The following MINDY3 variants were observed in gnomAD, a reference collection of about 807,000 sequenced individuals.
MINDY3 encodes ubiquitin carboxyl-terminal hydrolase MINDY-3.
In MINDY3, 38 loss-of-function variants were observed where a neutral mutation model predicts 69.2. That is an observed-to-expected ratio of 0.55 (90% CI 0.42 to 0.72). The LOEUF (loss-of-function observed/expected upper bound fraction) is 0.72. Among genes scored for constraint, MINDY3 ranks in the 30% least tolerant of loss-of-function variants. The pLI, the probability that MINDY3 is intolerant of heterozygous loss-of-function variation, is 0.00. For missense variants in MINDY3, 522 were observed against 519.0 expected (o/e 1.01, Z -0.06); for synonymous variants, 192 against 180.1 (o/e 1.07, Z -0.53).
chr10:15,784,290 TACC>T (rs1378516865), intron 13 of MINDY3, among the ~76,000 whole-genome samples: 1 of 152,188 alleles, frequency 6.6e-6, no homozygotes, highest in Non-Finnish European at 1.5e-5. Flanking sequence ...TTATAAATAT[TACC>T]ACTTTTTTCT....
At chr10:15,804,145 A>AT (rs879658920) in intron 10 of MINDY3, among the ~76,000 whole-genome samples, 2 of 152,002 alleles carry the variant, frequency 1.3e-5, no homozygotes, top group African/African-American at 2.4e-5. Context: ...TATTCAACCA[A>AT]TTTACTGGTC....
At chr10:15,821,436 C>CA (rs530877527) in intron 9 of MINDY3, among the ~76,000 whole-genome samples, 168 of 152,194 alleles carry the variant, frequency 1.1e-3, no homozygotes, top group African/African-American at 4.0e-3. Flanking sequence ...CCTCCTCCGA[C>CA]AAAAATAACA....
At chr10:15,845,492 T>C (rs748096701) in intron 2 of MINDY3, among the ~76,000 whole-genome samples, 6 of 152,128 alleles carry the variant, frequency 3.9e-5, no homozygotes, top group Admixed American at 1.3e-4. Context: ...TTACAAAGTT[T>C]ACGTGACTCT....
chr10:15,833,677 T>C lies in MINDY3; in HGVS notation c.683A>G (p.His228Arg), dbSNP rs767177975. The C allele has an allele frequency of 1.2e-6, 2 of 1,611,296 alleles. No homozygotes were observed. The highest frequency in any genetic ancestry group is 1.7e-6 in the Non-Finnish European group (2 of 1,177,706). The stretch of plus-strand genomic sequence containing the variant: ...ACCATCCCATACATTAGAAACAGCA[T>C]GTCCCGTCAGCAGGAGATTAATTAA... ...QSLINLLLTG[H>R]AVSNVWDGDR... Residue 228 changes from histidine (H) to arginine (R), a missense_variant, in exon 8 of 15, where the codon CAT becomes CGT. Transcript: ENST00000277632.
intron 9 of MINDY3, among the ~76,000 whole-genome samples, chr10:15,818,711 T>C (rs1373161304): frequency 6.6e-6 from 1 of 152,062 alleles, no homozygotes; most frequent in Admixed American, 6.6e-5. Flanking sequence ...GAAAACACCA[T>C]GCTAAGTGAA....
At chr10:15,811,106 C>T (rs146893724) in intron 10 of MINDY3, among the ~76,000 whole-genome samples, 180 of 151,888 alleles carry the variant, frequency 1.2e-3, no homozygotes, top group African/African-American at 4.1e-3. Flanking sequence ...CAAATGAACA[C>T]GGGCCACAAG....
chr10:15,797,829 C>G (rs75342153), intron 10 of MINDY3, among the ~76,000 whole-genome samples: 1 of 152,114 alleles, frequency 6.6e-6, no homozygotes, highest in African/African-American at 2.4e-5. Context: ...CCTCAGTTCC[C>G]TTTATCACTC....
At chr10:15,812,633 C>T (rs1839084912) in intron 10 of MINDY3, among the ~76,000 whole-genome samples, 1 of 152,168 alleles carries the variant, frequency 6.6e-6, no homozygotes, top group South Asian at 2.1e-4. Flanking sequence ...CCCATCACTG[C>T]TCTTTGGAGG....
intron 14 of MINDY3, among the ~76,000 whole-genome samples, chr10:15,780,332 T>C (rs530974182): frequency 6.6e-6 from 1 of 152,358 alleles, no homozygotes; most frequent in African/African-American, 2.4e-5. Context: ...TTTTAGTTAA[T>C]ATATTAGTTT....
At chr10:15,851,186 C>T (rs1834262370) in intron 1 of MINDY3, among the ~76,000 whole-genome samples, 1 of 152,156 alleles carries the variant, frequency 6.6e-6, no homozygotes, top group South Asian at 2.1e-4. Context: ...CTTTTAAGTG[C>T]TAATGTTCCC....
chr10:15,780,081 C>T (rs567697095), intron 14 of MINDY3, among the ~76,000 whole-genome samples: 1 of 152,146 alleles, frequency 6.6e-6, no homozygotes, highest in Non-Finnish European at 1.5e-5. Flanking sequence ...ATTATTTTTA[C>T]ACATTCACTG....
At chr10:15,821,757 G>A (rs763874114) in intron 8 of MINDY3, 31 bp from the exon 9 acceptor site, 29 of 1,578,476 alleles carry the variant, frequency 1.8e-5, no homozygotes, top group Middle Eastern at 1.7e-4. Context: ...AACAAAAAAC[G>A]AAAACTTAGC....
intron 13 of MINDY3, 62 bp downstream of exon 13, chr10:15,786,499 A>G: frequency 9.8e-7 from 1 of 1,023,550 alleles, no homozygotes; most frequent in Non-Finnish European, 1.5e-6. Context: ...AAAATGCTGC[A>G]AACAATCACA....
intron 2 of MINDY3, among the ~76,000 whole-genome samples, chr10:15,844,136 G>A (rs1013975875): frequency 6.6e-6 from 1 of 152,106 alleles, no homozygotes; most frequent in African/African-American, 2.4e-5. Flanking sequence ...TTGCAGCGAA[G>A]ATTATATGAG....
chr10:15,781,590 T>G (rs1157051444), intron 14 of MINDY3, among the ~76,000 whole-genome samples: 1 of 152,032 alleles, frequency 6.6e-6, no homozygotes, highest in African/African-American at 2.4e-5. Flanking sequence ...CTGCAAAGCA[T>G]CATGGGTAGG....
At chr10:15,826,129 T>G (rs930639392) in intron 8 of MINDY3, among the ~76,000 whole-genome samples, 1 of 152,150 alleles carries the variant, frequency 6.6e-6, no homozygotes, top group Non-Finnish European at 1.5e-5. Flanking sequence ...GAAATGAAGA[T>G]GGATGGCAGG....
intron 10 of MINDY3, among the ~76,000 whole-genome samples, chr10:15,801,949 A>G (rs1403989050): frequency 2.6e-5 from 4 of 151,928 alleles, no homozygotes; most frequent in African/African-American, 9.7e-5. Context: ...CTTCTGAACC[A>G]GTGCTGGACA....
chr10:15,800,236 T>C (rs1046638813), intron 10 of MINDY3, among the ~76,000 whole-genome samples: 18 of 152,108 alleles, frequency 1.2e-4, no homozygotes, highest in Non-Finnish European at 1.3e-4. Flanking sequence ...TTTTTTCTAC[T>C]ACCATGAAAT....
At chr10:15,847,838 G>T in intron 2 of MINDY3, 26 bp downstream of exon 2, 1 of 1,558,534 alleles carries the variant, frequency 6.4e-7, no homozygotes, top group Non-Finnish European at 8.9e-7. Context: ...GTCCCTCTAA[G>T]GAGTTGGTAA....
Sources: allele counts gnomAD v4.1 joint callset (sites outside exome capture counted in the v4.1 genomes callset), GRCh38; gene constraint gnomAD v4.1.1; transcripts MANE v1.5; gene names NCBI Gene and HGNC (gene_info 2026-07-23, HGNC 2026-07-21).